The following PSPC1 variants were observed in gnomAD, a reference collection of about 807,000 sequenced individuals.
PSPC1 encodes the protein paraspeckle component 1.
In PSPC1, 14 loss-of-function variants were observed where a neutral mutation model predicts 51.6. That is an observed-to-expected ratio of 0.27 (90% CI 0.18 to 0.42). The LOEUF is 0.42. PSPC1 is among the 10% of genes least tolerant of loss of function. The pLI is 1.00. For synonymous variants in PSPC1, 193 were observed against 231.9 expected (o/e 0.83, Z 1.53); for missense variants, 406 against 701.1 (o/e 0.58, Z 4.75).
chr13:19,748,496 T>G (rs1357146474), intron 4 of PSPC1, among the ~76,000 whole-genome samples: 1 of 152,152 alleles, frequency 6.6e-6, no homozygotes, highest in Non-Finnish European at 1.5e-5. Context: ...AACTGCAAAA[T>G]TACTCTACTT....
chr13:19,711,154 T>C (rs1214625430), intron 6 of PSPC1, among the ~76,000 whole-genome samples: 1 of 152,194 alleles, frequency 6.6e-6, no homozygotes, highest in Non-Finnish European at 1.5e-5. Context: ...AAAGCCATGT[T>C]TTAACTTTCC....
In PSPC1 at chr13:19,782,681, A is replaced by C; in HGVS notation, c.77T>G (p.Val26Gly). 6.4e-7 allele frequency: 1 copy of C among 1,565,616 alleles called. No homozygotes were observed. Among genetic ancestry groups the C allele is most frequent in the South Asian group, 1.2e-5 (1 of 86,294 alleles). The change falls in exon 1 of 9, where the codon GTG becomes GGG. Residue 26 changes from valine (V) to glycine (G), a missense_variant. Val to Gly is a moderately radical substitution (Grantham distance 109). This residue lies in a region of PSPC1 where 128 missense variants were observed against 107.1 expected (regional missense o/e 1.20). Transcript: ENST00000338910. The surrounding 1 kb of genome is among the most constrained non-coding windows in gnomAD (Gnocchi z 4.5). ...CGCGGCCGCCGGCTCGCTCTCGCCC[A>C]CCGCGGACTCCAGGGCGCGAAGGCG... ...PARLRALESAVGESEPAAAAA... is the reference protein window; with the variant it reads ...PARLRALESAGGESEPAAAAA...
At chr13:19,754,886 C>G (rs1161508518) in intron 3 of PSPC1, among the ~76,000 whole-genome samples, 1 of 152,050 alleles carries the variant, frequency 6.6e-6, no homozygotes, top group Admixed American at 6.6e-5. Context: ...TAATGGTGAC[C>G]TATAACAAGG....
intron 3 of PSPC1, among the ~76,000 whole-genome samples, chr13:19,755,531 T>C (rs1464909045): frequency 6.6e-6 from 1 of 150,684 alleles, no homozygotes; most frequent in African/African-American, 2.4e-5. Flanking sequence ...GAGGTTGTGG[T>C]GAGCCAAGAT....
rs563818260 is a variant in PSPC1, at chr13:19,778,102, C to T, written c.372+4284G>A. On this transcript the variant is annotated intron_variant, in intron 1 of 8. Transcript: ENST00000338910. ...ACTAAAAATACAAAAATTAGCTGGG[C>T]GTGGTTGCATGCGCCTGTAGTCCCA... Among the ~76,000 whole-genome samples the T allele has an allele frequency of 4.1e-3, 621 of 151,544 alleles. 1 individual carries two copies. Among genetic ancestry groups the T allele is most frequent in the Admixed American group, 6.4e-3 (97 of 15,174 alleles).
At chr13:19,698,251 T>G (rs772220351), downstream of PSPC1, among the ~76,000 whole-genome samples, 20 of 151,862 alleles carry the variant, frequency 1.3e-4, no homozygotes, top group Non-Finnish European at 2.7e-4. Context: ...GCTGTCTTGG[T>G]GTAATAAAGA....
chr13:19,673,050 G>C, downstream of PSPC1: 1 of 436,554 alleles, frequency 2.3e-6, no homozygotes, highest in Non-Finnish European at 4.5e-6. Context: ...ATGAGACCTT[G>C]TCTCAAAAAA....
At chr13:19,686,065 T>C (rs942712422) in intron 6 of PSPC1, among the ~76,000 whole-genome samples, 2 of 152,224 alleles carry the variant, frequency 1.3e-5, no homozygotes, top group Non-Finnish European at 2.9e-5. Flanking sequence ...CTGACTGATC[T>C]AAGTGCTTTG....
intron 2 of PSPC1, among the ~76,000 whole-genome samples, chr13:19,766,790 GGCTGCAACGA>G (rs931978667): frequency 2.3e-4 from 35 of 150,576 alleles, no homozygotes; most frequent in African/African-American, 8.5e-4. Flanking sequence ...AGCAGGTTGA[GGCTGCAACGA>G]GCTGTGATAA....
Position 19,759,361 on chromosome 13 carries a change from C to T in PSPC1, c.732G>A (p.Leu244=), listed in dbSNP as rs1340055895. ...GAGTTTTCTGCATCAGCTTCTCTGG[C>T]AAGCCATCTTCATCATCAAACTGCT... ...PMEQFDDEDG[L]PEKLMQKTQQ... Residue 244 remains leucine (L), a synonymous_variant, in exon 3 of 9, where the codon TTG becomes TTA. Transcript: ENST00000338910. 3.1e-6 allele frequency: 5 copies of T among 1,614,090 alleles called. No individual in the cohort carries two copies. The highest frequency in any genetic ancestry group is 2.2e-5 in the East Asian group (1 of 44,882).
At chr13:19,702,394 A>C (rs1018424896), downstream of PSPC1, 1 of 152,212 alleles carries the variant, frequency 6.6e-6, no homozygotes, top group East Asian at 1.9e-4. Flanking sequence ...TAACTGTACG[A>C]TAATAATCGG....
downstream of PSPC1, chr13:19,699,369 T>C (rs1879637750): frequency 6.6e-6 from 1 of 151,856 alleles, no homozygotes; most frequent in South Asian, 2.1e-4. Flanking sequence ...AATTAACTGA[T>C]GGATACTCAC....
chr13:19,765,817 AAAAAGT>A (rs1888017393), intron 2 of PSPC1, among the ~76,000 whole-genome samples: 1 of 152,170 alleles, frequency 6.6e-6, no homozygotes, highest in Admixed American at 6.6e-5. Context: ...TTGCTTTCCT[AAAAAGT>A]TAAGTAGCAA....
At chr13:19,747,936 G>T (rs550691976) in intron 4 of PSPC1, among the ~76,000 whole-genome samples, 1 of 152,182 alleles carries the variant, frequency 6.6e-6, no homozygotes, top group African/African-American at 2.4e-5. Flanking sequence ...ATTGTAGGCC[G>T]GGTACAGTGG....
intron 6 of PSPC1, among the ~76,000 whole-genome samples, chr13:19,719,447 G>A (rs1368240456): frequency 1.3e-5 from 2 of 152,132 alleles, no homozygotes; most frequent in African/African-American, 2.4e-5. Context: ...TGGAACTACA[G>A]TCATGCCACC....
chr13:19,713,313 TCA>T (rs770661403), intron 6 of PSPC1, among the ~76,000 whole-genome samples: 6 of 152,012 alleles, frequency 3.9e-5, no homozygotes, highest in Admixed American at 6.6e-5. Context: ...TGATGAAAAC[TCA>T]GTTTTACATT....
chr13:19,779,645 C>A (rs1889664854), intron 1 of PSPC1, among the ~76,000 whole-genome samples: 1 of 55,590 alleles, frequency 1.8e-5, no homozygotes, highest in Non-Finnish European at 3.9e-5. Context: ...AGTGAGGAGC[C>A]CCTCTGCCCG....
chr13:19,743,333 G>A (rs998185958), intron 4 of PSPC1, among the ~76,000 whole-genome samples: 2 of 152,098 alleles, frequency 1.3e-5, no homozygotes, highest in African/African-American at 2.4e-5. Flanking sequence ...GTACTCAAGA[G>A]TTGACTCATA....
chr13:19,709,572 T>C lies in PSPC1; in HGVS notation c.1186A>G (p.Met396Val). 1 of 1,612,766 alleles carries C rather than the reference T, an allele frequency of 6.2e-7. No individual in the cohort carries two copies. The highest frequency in any genetic ancestry group is 8.5e-7 in the Non-Finnish European group (1 of 1,179,480). ...NREQEMRMGD[M>V]GPRGAINMGD... The stretch of plus-strand genomic sequence containing the variant: ...ATGTTTATTGCTCCACGGGGACCCA[T>C]ATCACCCATTCTCATTTCCTGTTCT... The change falls in exon 7 of 9, where the codon ATG (methionine) becomes GTG (valine). Residue 396 changes from methionine to valine, a missense_variant. Around this residue, in one of 5 missense-constraint regions of PSPC1, gnomAD observed 61 missense variants for 78.4 expected, o/e 0.78. Transcript: ENST00000338910.
Sources: allele counts gnomAD v4.1 joint callset (sites outside exome capture counted in the v4.1 genomes callset), GRCh38; gene constraint gnomAD v4.1.1; regional missense constraint gnomAD v4.1.1; non-coding constraint Gnocchi (gnomAD v3.1); transcripts MANE v1.5; gene names NCBI Gene and HGNC (gene_info 2026-07-23, HGNC 2026-07-21).